BTRC: variants seen among roughly 807,000 people sequenced by gnomAD.
The protein encoded by BTRC is beta-transducin repeat containing E3 ubiquitin protein ligase, also known as F-box/WD repeat-containing protein 1A.
BTRC carries 42 observed loss-of-function variants against 85.5 expected under a neutral mutation model. That is an observed-to-expected ratio of 0.49 (90% confidence interval 0.38 to 0.64). The LOEUF (loss-of-function observed/expected upper bound fraction) is 0.64. Among genes scored for constraint, BTRC ranks in the 30% least tolerant of loss-of-function variants. BTRC has a pLI of 0.00. For synonymous variants in BTRC, 255 were observed against 263.3 expected (o/e 0.97, Z 0.30); for missense variants, 594 against 743.5 (o/e 0.80, Z 2.34).
chr10:101,432,170 C>T (rs1343457769), intron 2 of BTRC, among the ~76,000 whole-genome samples: 2 of 150,816 alleles, frequency 1.3e-5, no homozygotes, highest in Non-Finnish European at 1.5e-5. Context: ...CTCTGTTGTC[C>T]AGGCTAGAGT....
At chr10:101,415,228 T>C (rs1391867473) in intron 1 of BTRC, among the ~76,000 whole-genome samples, 2 of 151,862 alleles carry the variant, frequency 1.3e-5, no homozygotes, top group Non-Finnish European at 2.9e-5. Flanking sequence ...TGGGCTGGAG[T>C]GCAGTGGTGA....
At chr10:101,518,384 G>T (rs2062054004) in intron 4 of BTRC, among the ~76,000 whole-genome samples, 1 of 152,152 alleles carries the variant, frequency 6.6e-6, no homozygotes, top group Non-Finnish European at 1.5e-5. Flanking sequence ...CTCTTTCTCA[G>T]ATTAGCCTGA....
intron 2 of BTRC, among the ~76,000 whole-genome samples, chr10:101,432,307 T>C (rs531565304): frequency 6.6e-6 from 1 of 152,116 alleles, no homozygotes; most frequent in African/African-American, 2.4e-5. Flanking sequence ...TCTATTTTTT[T>C]TGTGGAGATA....
chr10:101,430,812 A>G (rs1381846341), intron 2 of BTRC, among the ~76,000 whole-genome samples: 2 of 152,220 alleles, frequency 1.3e-5, no homozygotes, highest in African/African-American at 2.4e-5. Context: ...TAATCAATCA[A>G]TTAATTACAA....
chr10:101,429,677 C>T (rs566503566), intron 1 of BTRC, among the ~76,000 whole-genome samples: 2 of 148,616 alleles, frequency 1.3e-5, no homozygotes, highest in Non-Finnish European at 3.0e-5. Flanking sequence ...GTTGTTTCTT[C>T]CCCTCGCCTT....
At chr10:101,531,684 G>T (rs1479870423) in intron 7 of BTRC, among the ~76,000 whole-genome samples, 1 of 151,844 alleles carries the variant, frequency 6.6e-6, no homozygotes, top group Admixed American at 6.6e-5. Flanking sequence ...TCGCACCACT[G>T]CACTCCCTCC....
chr10:101,451,565 G>A (rs924466589), intron 2 of BTRC, among the ~76,000 whole-genome samples: 3 of 152,174 alleles, frequency 2.0e-5, no homozygotes, highest in African/African-American at 7.2e-5. Flanking sequence ...TAAAGCAGTA[G>A]TGTGTTTTAA....
At chr10:101,365,794 T>C (rs1942356358) in intron 1 of BTRC, among the ~76,000 whole-genome samples, 1 of 152,222 alleles carries the variant, frequency 6.6e-6, no homozygotes, top group Non-Finnish European at 1.5e-5. Flanking sequence ...AATTCTTTTA[T>C]GTTTTACGGA....
chr10:101,522,414 T>TTTTTTG (rs1205648575), intron 5 of BTRC, among the ~76,000 whole-genome samples: 1 of 76,190 alleles, frequency 1.3e-5, no homozygotes, highest in Non-Finnish European at 2.7e-5. Context: ...GACTCCTTTT[T>TTTTTTG]TTTTTTTTTT....
intron 1 of BTRC, among the ~76,000 whole-genome samples, chr10:101,372,864 A>T (rs996238232): frequency 3.0e-4 from 45 of 152,178 alleles, no homozygotes; most frequent in African/African-American, 1.1e-3. Context: ...TTTCCAAAAA[A>T]ATAAAAAAGA....
At position 101,529,924 on chromosome 10, in the gene BTRC, A is replaced by G. The variant is rs369328041; in HGVS notation, c.744-1313A>G. On this transcript the variant is annotated intron_variant, in intron 6 of 14. Coordinates refer to ENST00000370187, the MANE Select transcript of BTRC (RefSeq NM_033637.4). ...GCATTTCTGCCTCTCTCCACTTTGC[A>G]AGGCACGGTGCCAGTGAGAACAGCA... 1.3e-3 allele frequency among the ~76,000 whole-genome samples: 194 copies of G among 152,338 alleles called. 3 individuals carry two copies. Among genetic ancestry groups the G allele is most frequent in the African/African-American group, 4.1e-3 (170 of 41,576 alleles).
At chr10:101,367,020 A>G (rs1356003053) in intron 1 of BTRC, among the ~76,000 whole-genome samples, 1 of 65,828 alleles carries the variant, frequency 1.5e-5, no homozygotes. Context: ...ATATATATTT[A>G]TATTTATATA....
At chr10:101,527,608 G>C (rs943856916) in intron 6 of BTRC, among the ~76,000 whole-genome samples, 3 of 152,078 alleles carry the variant, frequency 2.0e-5, no homozygotes, top group Admixed American at 6.6e-5. Flanking sequence ...CAAAAAATTA[G>C]CTGGGCCTGG....
intron 4 of BTRC, among the ~76,000 whole-genome samples, 174 bp from the exon 5 acceptor site, chr10:101,521,465 C>A (rs1468926087): frequency 1.3e-5 from 2 of 152,162 alleles, no homozygotes; most frequent in Non-Finnish European, 2.9e-5. Context: ...AGTATTATAG[C>A]TGATTTACCA....
chr10:101,389,132 T>G (rs1322669934), intron 1 of BTRC, among the ~76,000 whole-genome samples: 1 of 138,124 alleles, frequency 7.2e-6, no homozygotes, highest in East Asian at 2.1e-4. Context: ...TTTTTTTTTT[T>G]TTTTTTTTTT....
At chr10:101,538,623 GT>G (rs1166983141) in intron 13 of BTRC, among the ~76,000 whole-genome samples, 1 of 152,170 alleles carries the variant, frequency 6.6e-6, no homozygotes, top group Non-Finnish European at 1.5e-5. Context: ...CTACACAACA[GT>G]TTAGTGCAGG....
intron 3 of BTRC, among the ~76,000 whole-genome samples, chr10:101,462,993 G>A (rs928961925): frequency 4.0e-4 from 60 of 150,328 alleles, no homozygotes; most frequent in African/African-American, 1.4e-3. Flanking sequence ...TCAGCCTCCT[G>A]AGTAGCTGGA....
chr10:101,526,349 G>A (rs552921727), intron 6 of BTRC, 150 bp downstream of exon 6: 11 of 713,706 alleles, frequency 1.5e-5, no homozygotes, highest in Admixed American at 8.9e-5. Context: ...GAGAACAAAT[G>A]TTCATATACT....
chr10:101,484,861 A>T (rs1192178083), intron 4 of BTRC, among the ~76,000 whole-genome samples: 1 of 152,230 alleles, frequency 6.6e-6, no homozygotes, highest in Admixed American at 6.5e-5. Context: ...TTAATGTGTT[A>T]ATTGGGTTAC....
Sources: allele counts gnomAD v4.1 joint callset (sites outside exome capture counted in the v4.1 genomes callset), GRCh38; gene constraint gnomAD v4.1.1; transcripts MANE v1.5; gene names NCBI Gene and HGNC (gene_info 2026-07-23, HGNC 2026-07-21).